CDC7: variants seen among roughly 807,000 people sequenced by gnomAD.
CDC7 encodes the protein cell division cycle 7.
CDC7 carries 34 observed loss-of-function variants against 53.5 expected under a neutral mutation model. That is an observed-to-expected ratio of 0.64 (90% CI 0.48 to 0.85). The LOEUF (loss-of-function observed/expected upper bound fraction) is 0.85, where lower values mean the gene tolerates loss of function less well. Ranked by LOEUF, CDC7 falls within the 40% of genes least tolerant of loss-of-function variation. The probability of loss-of-function intolerance (pLI) is 0.00; values close to 1 mark genes in which losing one functional copy is unlikely to be tolerated. For synonymous variants in CDC7, 211 were observed against 222.8 expected (o/e 0.95, Z 0.47); for missense variants, 594 against 679.7 (o/e 0.87, Z 1.40).
chr1:91,510,163 T>C (rs1667203972), intron 4 of CDC7, among the ~76,000 whole-genome samples: 1 of 151,588 alleles, frequency 6.6e-6, no homozygotes, highest in Non-Finnish European at 1.5e-5. Context: ...TGTAATGACC[T>C]GCGATCACTC....
intron 8 of CDC7, 101 bp from the exon 9 acceptor site, chr1:91,514,718 T>TTTAA: frequency 1.1e-6 from 1 of 874,988 alleles, no homozygotes; most frequent in Non-Finnish European, 1.7e-6. Flanking sequence ...ATTCAGCAGT[T>TTTAA]TTTAAAGTTA....
chr1:91,509,773 T>G (rs1170204003), intron 4 of CDC7, among the ~76,000 whole-genome samples: 1 of 152,216 alleles, frequency 6.6e-6, no homozygotes, highest in African/African-American at 2.4e-5. Flanking sequence ...AAATTCAACC[T>G]TCTCATGCCT....
chr1:91,506,177 G>A (rs1666977825), intron 2 of CDC7, among the ~76,000 whole-genome samples: 3 of 151,816 alleles, frequency 2.0e-5, no homozygotes, highest in Admixed American at 2.0e-4. Flanking sequence ...GCTAATTTTT[G>A]TTTGTTTGTT....
chr1:91,520,240 A>AT lies in CDC7; in HGVS notation c.1291_1292insT (p.Arg431MetfsTer11). 6.2e-7 allele frequency: 1 copy of AT among 1,607,488 alleles called. No homozygotes were observed. Among genetic ancestry groups the AT allele is most frequent in the Non-Finnish European group, 8.5e-7 (1 of 1,177,206 alleles). ...TGCTTTGGCCCAAATTATGACAATT[A>AT]GGGGATCCAGAGAAACTATCCAAGC... is the stretch of plus-strand genomic sequence containing the variant. On this transcript the variant is annotated frameshift_variant, in exon 11 of 12. Coordinates refer to ENST00000234626, the MANE Select transcript of CDC7 (RefSeq NM_003503.4). LOFTEE classifies it low-confidence loss of function (END_TRUNC).
At chr1:91,514,114 A>G (rs1667429333) in intron 8 of CDC7, 71 bp downstream of exon 8, 1 of 902,714 alleles carries the variant, frequency 1.1e-6, no homozygotes, top group Non-Finnish European at 1.7e-6. Context: ...TAATAACTAG[A>G]TTAACATTTA....
intron 1 of CDC7, 125 bp downstream of exon 1, chr1:91,501,073 C>G (rs956160431): frequency 6.6e-6 from 1 of 152,266 alleles, no homozygotes. Flanking sequence ...TCCCTCCGAC[C>G]TGCGGCGGGA....
chr1:91,511,210 A>G (rs1358844878), intron 4 of CDC7, among the ~76,000 whole-genome samples: 3 of 152,130 alleles, frequency 2.0e-5, no homozygotes, highest in Non-Finnish European at 4.4e-5. Context: ...TTAAGAACAT[A>G]TATCTGGAGC....
chr1:91,505,193 A>G (rs1166750664), intron 2 of CDC7, among the ~76,000 whole-genome samples: 1 of 152,140 alleles, frequency 6.6e-6, no homozygotes, highest in African/African-American at 2.4e-5. Context: ...TGAAACGGCA[A>G]GTACAAAGAC....
At chr1:91,506,956 G>A (rs1270399130) in intron 2 of CDC7, among the ~76,000 whole-genome samples, 1 of 152,062 alleles carries the variant, frequency 6.6e-6, no homozygotes, top group Non-Finnish European at 1.5e-5. Context: ...TCTCAAAAAA[G>A]AAAGAAAATT....
At chr1:91,505,131 G>C (rs1230768414) in intron 2 of CDC7, among the ~76,000 whole-genome samples, 1 of 152,148 alleles carries the variant, frequency 6.6e-6, no homozygotes, top group African/African-American at 2.4e-5. Context: ...GACCTGTGCA[G>C]ATATTTGGGG....
Position 91,515,894 on chromosome 1 carries a change from T to C in CDC7, c.1180+18T>C. The C allele has an allele frequency of 6.4e-7, 1 of 1,574,324 alleles. No homozygotes were observed. The highest frequency in any genetic ancestry group is 8.7e-7 in the Non-Finnish European group (1 of 1,144,140). ...AACTACAGGTATGTTGTACTGGAAATACAGAACCTAGTTAAAATGGATTGT... is the reference window on the plus strand; with the variant it reads ...AACTACAGGTATGTTGTACTGGAAACACAGAACCTAGTTAAAATGGATTGT... On this transcript the variant is annotated intron_variant, in intron 10 of 11. Transcript: ENST00000234626.
chr1:91,501,609 G>C (rs1666683293), intron 1 of CDC7, 45 bp from the exon 2 acceptor site: 2 of 815,868 alleles, frequency 2.5e-6, no homozygotes, highest in Non-Finnish European at 4.2e-6. Flanking sequence ...TTAGTGCGTG[G>C]TTTAGCGAGT....
chr1:91,511,467 G>A, intron 4 of CDC7, 130 bp from the exon 5 acceptor site: 1 of 584,986 alleles, frequency 1.7e-6, no homozygotes, highest in Non-Finnish European at 3.1e-6. Flanking sequence ...TTTATATTAT[G>A]TGATGATGAT....
chr1:91,518,200 G>GA (rs777555503), intron 10 of CDC7, among the ~76,000 whole-genome samples: 205 of 123,904 alleles, frequency 1.7e-3, no homozygotes, highest in Middle Eastern at 9.1e-3. Flanking sequence ...TCAACTTTAA[G>GA]AAAAAAAAAA....
chr1:91,512,130 C>G (rs752429647), intron 6 of CDC7, among the ~76,000 whole-genome samples: 8 of 152,026 alleles, frequency 5.3e-5, no homozygotes, highest in African/African-American at 1.2e-4. Flanking sequence ...ATCTCATATA[C>G]AGTACAGTTT....
In CDC7 at chr1:91,508,398, G is replaced by A. The variant is rs1474841450; in HGVS notation, c.335+1G>A. The A allele has an allele frequency of 1.9e-6, 3 of 1,604,908 alleles. No individual in the cohort carries two copies. Among genetic ancestry groups the A allele is most frequent in the Non-Finnish European group, 2.6e-6 (3 of 1,175,314 alleles). On this transcript the variant is annotated splice_donor_variant, in intron 4 of 11. Transcript: ENST00000234626. LOFTEE classifies it high-confidence loss of function. Reference sequence around the variant, plus strand: ...AACTTCAGTGCCTAACAGTGGCTGGGTAGGCAATTTAAACATATTTTAATT... The same window carrying A: ...AACTTCAGTGCCTAACAGTGGCTGGATAGGCAATTTAAACATATTTTAATT...
chr1:91,501,587 A>C (rs1666681143), intron 1 of CDC7, 67 bp from the exon 2 acceptor site: 2 of 714,798 alleles, frequency 2.8e-6, no homozygotes, highest in Non-Finnish European at 5.0e-6. Context: ...TTTGGGGGGC[A>C]GTAGCATGTT....
intron 8 of CDC7, 82 bp from the exon 9 acceptor site, chr1:91,514,737 C>A: frequency 9.6e-7 from 1 of 1,043,360 alleles, no homozygotes; most frequent in Non-Finnish European, 1.4e-6. Flanking sequence ...TATGCTTCCG[C>A]TATTGCTTTT....
chr1:91,515,117 C>T (rs1667490342), intron 9 of CDC7, 120 bp downstream of exon 9: 2 of 672,208 alleles, frequency 3.0e-6, no homozygotes, highest in Non-Finnish European at 5.0e-6. Flanking sequence ...CTGCAATGGG[C>T]CTTGATGCAG....
Sources: allele counts gnomAD v4.1 joint callset (sites outside exome capture counted in the v4.1 genomes callset), GRCh38; gene constraint gnomAD v4.1.1; transcripts MANE v1.5; gene names NCBI Gene and HGNC (gene_info 2026-07-23, HGNC 2026-07-21).